MARCO: variants seen among roughly 807,000 people sequenced by gnomAD.
MARCO encodes macrophage receptor MARCO.
MARCO carries 72 observed loss-of-function variants against 70.0 expected under a neutral mutation model. That is an observed-to-expected ratio of 1.03 (90% confidence interval 0.85 to 1.25). The LOEUF (loss-of-function observed/expected upper bound fraction) is 1.25, where lower values mean the gene tolerates loss of function less well. Among genes scored for constraint, MARCO ranks in the 50% most tolerant of loss-of-function variants. The pLI is 0.00. For missense variants in MARCO, 696 were observed against 659.3 expected (o/e 1.06, Z -0.61); for synonymous variants, 273 against 243.1 (o/e 1.12, Z -1.14).
intron 1 of MARCO, among the ~76,000 whole-genome samples, chr2:118,947,596 C>A (rs1423407835): frequency 1.3e-5 from 2 of 150,230 alleles, no homozygotes; most frequent in African/African-American, 5.1e-5. Context: ...AAAGGCTATC[C>A]TTTCCCTGTT....
intron 2 of MARCO, 33 bp downstream of exon 2, chr2:118,969,294 TG>T: frequency 1.3e-6 from 2 of 1,582,488 alleles, no homozygotes; most frequent in South Asian, 1.1e-5. Flanking sequence ...TAGTCCCTCC[TG>T]GGGGGAGAGG....
At chr2:118,944,252 A>G (rs537668750) in intron 1 of MARCO, among the ~76,000 whole-genome samples, 22 of 152,314 alleles carry the variant, frequency 1.4e-4, no homozygotes, top group Admixed American at 5.2e-4. Context: ...AAATGTTTAA[A>G]GTATCTCACC....
chr2:118,970,654 G>C (rs543562248), intron 3 of MARCO, among the ~76,000 whole-genome samples: 1 of 152,276 alleles, frequency 6.6e-6, no homozygotes, highest in Admixed American at 6.5e-5. Context: ...GGGACTTTGT[G>C]GGGAGGAGGA....
intron 1 of MARCO, among the ~76,000 whole-genome samples, chr2:118,945,462 G>A (rs1220574117): frequency 6.7e-6 from 1 of 150,366 alleles, no homozygotes; most frequent in Non-Finnish European, 1.5e-5. Context: ...ACCCATGCTG[G>A]AGTGCAGGGG....
chr2:118,977,227 A>G (rs374143439), intron 6 of MARCO, among the ~76,000 whole-genome samples: 13 of 150,894 alleles, frequency 8.6e-5, no homozygotes, highest in African/African-American at 3.2e-4. Context: ...TGCCATAGCA[A>G]GAGCAAACAC....
intron 1 of MARCO, among the ~76,000 whole-genome samples, chr2:118,953,468 T>C (rs1679766453): frequency 1.3e-5 from 2 of 152,250 alleles, no homozygotes; most frequent in Non-Finnish European, 2.9e-5. Context: ...TATAGAAATG[T>C]GGTTGATTTT....
Position 118,982,554 on chromosome 2 carries a change from T to G in MARCO, c.1063+144T>G. The G allele has an allele frequency of 1.9e-5, 15 of 781,278 alleles. No individual in the cohort carries two copies. In the South Asian group the frequency reaches 2.4e-4, roughly 12 times the overall value. 48.4% of individuals were successfully genotyped at this position (781,278 alleles called of 1,614,324 possible). On this transcript the variant is annotated intron_variant, in intron 12 of 16. Transcript: ENST00000327097. ...CTGAGGTTCCTGGTTATGGGGGCAG[T>G]TGCCCCTGCCAGGACCCCTTAAGCC... is the stretch of plus-strand genomic sequence containing the variant.
chr2:118,989,672 C>T (rs112482689), intron 12 of MARCO, among the ~76,000 whole-genome samples: 77 of 152,250 alleles, frequency 5.1e-4, no homozygotes, highest in African/African-American at 1.7e-3. Context: ...GAAACTTCCC[C>T]GAGGCAACTG....
rs201104770 is a variant in MARCO, at chr2:118,994,453, C to T, written c.1496C>T (p.Thr499Ile). ...ACGGAGAGTACCCTGTGGAGCTGCA[C>T]CAAGAATAGCTGGGGCCATCATGAC... is the stretch of plus-strand genomic sequence containing the variant. ...RGTESTLWSC[T>I]KNSWGHHDCS... is the part of the protein sequence containing the mutation. The change falls in exon 17 of 17, where the codon ACC becomes ATC. Residue 499 changes from threonine (T) to isoleucine (I), a missense_variant. By Grantham distance (89) the Thr-to-Ile change is moderately conservative. Transcript: ENST00000327097. The T allele has an allele frequency of 2.0e-5, 32 of 1,613,802 alleles. No homozygotes were observed. In the East Asian group the frequency reaches 6.5e-4, roughly 33 times the overall value.
At chr2:118,948,979 G>A (rs1012754384) in intron 1 of MARCO, among the ~76,000 whole-genome samples, 1 of 152,110 alleles carries the variant, frequency 6.6e-6, no homozygotes, top group Non-Finnish European at 1.5e-5. Context: ...TGGACTGATG[G>A]GTCAGCTCTT....
intron 8 of MARCO, among the ~76,000 whole-genome samples, chr2:118,980,838 A>G: frequency 6.6e-6 from 1 of 152,150 alleles, no homozygotes; most frequent in East Asian, 1.9e-4. Flanking sequence ...TGCACCAGGC[A>G]CCAGCAAGAG....
rs1338921348 is a variant in MARCO at position 118,950,906 on chromosome 2, A to G, written c.97+8509A>G. Among the ~76,000 whole-genome samples, 4 of 152,232 alleles carry G rather than the reference A, an allele frequency of 2.6e-5. No individual in the cohort carries two copies. The East Asian group carries it at 5.8e-4, about 22-fold the overall frequency. ...ACAAGATTAGAAGTTAGGATAATACATATGACACTGTTAATATTTAGCAAA... is the reference window on the plus strand; with the variant it reads ...ACAAGATTAGAAGTTAGGATAATACGTATGACACTGTTAATATTTAGCAAA... On this transcript the variant is annotated intron_variant, in intron 1 of 16. Transcript: ENST00000327097.
rs200405973 is a variant in MARCO, at chr2:118,956,554, C to T, written c.98-12606C>T. On this transcript the variant is annotated intron_variant, in intron 1 of 16. Coordinates refer to ENST00000327097, the MANE Select transcript of MARCO (RefSeq NM_006770.4). The stretch of plus-strand genomic sequence containing the variant: ...GCAACACAATAATAGTGAGGTACTT[C>T]AATACTCCACTGACAGCACAGGAGG... Among the ~76,000 whole-genome samples the T allele has an allele frequency of 6.4e-3, 968 of 150,504 alleles. 39 individuals carry two copies. The South Asian group carries it at 0.068, about 11-fold the overall frequency.
intron 1 of MARCO, among the ~76,000 whole-genome samples, chr2:118,947,950 A>G (rs1336672458): frequency 6.6e-6 from 1 of 152,208 alleles, no homozygotes; most frequent in African/African-American, 2.4e-5. Context: ...TTATTATTGC[A>G]GACTTACAAT....
intron 4 of MARCO, among the ~76,000 whole-genome samples, chr2:118,973,524 G>A (rs770320263): frequency 2.6e-5 from 4 of 152,022 alleles, no homozygotes; most frequent in East Asian, 3.9e-4. Flanking sequence ...CAGATTCCCC[G>A]CCCATCACCC....
Position 118,942,460 on chromosome 2 carries a change from C to T in MARCO, c.97+63C>T, listed in dbSNP as rs548509796. ...ATGTAGTCTTTCTGCTAGCGAGATACGAAAATAGACAAGTCAATAGAAAGT... is the reference window on the plus strand; with the variant it reads ...ATGTAGTCTTTCTGCTAGCGAGATATGAAAATAGACAAGTCAATAGAAAGT... On this transcript the variant is annotated intron_variant, in intron 1 of 16. Transcript: ENST00000327097. 358 of 1,278,122 alleles carry T rather than the reference C, an allele frequency of 2.8e-4. No individual in the cohort carries two copies. In the African/African-American group the frequency reaches 4.5e-3, roughly 16 times the overall value. 79.2% of individuals were successfully genotyped at this position (1,278,122 alleles called of 1,614,324 possible).
chr2:118,983,362 A>G (rs1680430103), intron 12 of MARCO, among the ~76,000 whole-genome samples: 1 of 152,168 alleles, frequency 6.6e-6, no homozygotes, highest in African/African-American at 2.4e-5. Context: ...GCTCTAATCA[A>G]TTGATTGATT....
chr2:118,990,569 C>CTTTTTTT lies in MARCO; in HGVS notation c.1064-14_1064-13insTTTTTTT. 1 of 1,415,982 alleles carries CTTTTTTT rather than the reference C, an allele frequency of 7.1e-7. No individual in the cohort carries two copies. Among genetic ancestry groups the CTTTTTTT allele is most frequent in the Non-Finnish European group, 9.7e-7 (1 of 1,028,336 alleles). 87.7% of individuals were successfully genotyped at this position (1,415,982 alleles called of 1,614,324 possible). ...AGTTTTATTATCTCCTCCCCCCCCC[C>CTTTTTTT]TTTTTTGTTTTGATCTTAGGACTTC... On this transcript the variant is annotated intron_variant, in intron 12 of 16. Transcript: ENST00000327097.
chr2:118,989,399 T>G (rs1314653019), intron 12 of MARCO, among the ~76,000 whole-genome samples: 1 of 152,216 alleles, frequency 6.6e-6, no homozygotes, highest in Non-Finnish European at 1.5e-5. Context: ...CTCAGAATCT[T>G]CTGGTGCTTC....
Sources: gnomAD v4.1 joint callset for allele counts (sites outside exome capture counted in the v4.1 genomes callset) on GRCh38, gnomAD v4.1.1 for gene constraint, MANE v1.5 for transcripts, NCBI Gene and HGNC (gene_info 2026-07-23, HGNC 2026-07-21) for gene names.